PRDM2: variants seen among roughly 807,000 people sequenced by gnomAD.
PRDM2 encodes the protein PR/SET domain 2.
In PRDM2, 30 loss-of-function variants were observed where a neutral mutation model predicts 130.0. That is an observed-to-expected ratio of 0.23 (90% CI 0.17 to 0.31). The LOEUF is 0.31. Among genes scored for constraint, PRDM2 ranks in the 10% least tolerant of loss-of-function variants. The pLI is 1.00. For missense variants in PRDM2, 2,011 were observed against 2,108.4 expected (o/e 0.95, Z 0.90); for synonymous variants, 871 against 782.4 (o/e 1.11, Z -1.89).
chr1:13,823,374 G>A lies in PRDM2; in HGVS notation c.*239G>A, dbSNP rs576261376. 28 of 646,138 alleles carry A rather than the reference G, an allele frequency of 4.3e-5. No homozygotes were observed. The East Asian group carries it at 7.5e-4, about 17-fold the overall frequency. 40.0% of individuals were successfully genotyped at this position (646,138 alleles called of 1,614,324 possible). A position where few individuals can be genotyped will look rare whatever the true frequency, so the allele number is the denominator to read the frequency against. ...TCCCCGGGGCGGCAGGAAGGGGGCC[G>A]ACTCCACGCTGTCCTTTGGGATGAT... is the stretch of plus-strand genomic sequence containing the variant. On this transcript the variant is annotated 3_prime_UTR_variant, in exon 10 of 10. Transcript: ENST00000311066.
Position 13,782,710 on chromosome 1 carries a change from A to G in PRDM2, c.4915A>G (p.Ile1639Val). The change falls in exon 8 of 10, where the codon ATA (isoleucine) becomes GTA (valine). Residue 1639 changes from isoleucine to valine, a missense_variant. By Grantham distance (29) the Ile-to-Val change is conservative. This residue lies in a region of PRDM2 where 410 missense variants were observed against 395.9 expected (regional missense o/e 1.04). Transcript: ENST00000311066. Reference sequence around the variant, plus strand: ...TAAGAAAAGAACAGACCGGTTCAATATAAAATCTAGAGAGCGGAGTGGGGG... The same window carrying G: ...TAAGAAAAGAACAGACCGGTTCAATGTAAAATCTAGAGAGCGGAGTGGGGG... ...ASKKRTDRFN[I>V]KSRERSGGPV... The G allele has an allele frequency of 1.9e-6, 3 of 1,614,002 alleles. No individual in the cohort carries two copies. The highest frequency in any genetic ancestry group is 1.7e-6 in the Non-Finnish European group (2 of 1,179,984).
At chr1:13,710,544 T>C (rs1557591921) in intron 1 of PRDM2, among the ~76,000 whole-genome samples, 1 of 152,232 alleles carries the variant, frequency 6.6e-6, no homozygotes, top group Non-Finnish European at 1.5e-5. Context: ...ATATGTAAAA[T>C]AGAGATCAAG....
intron 8 of PRDM2, among the ~76,000 whole-genome samples, chr1:13,792,584 G>A: frequency 6.6e-6 from 1 of 152,272 alleles, no homozygotes; most frequent in African/African-American, 2.4e-5. Context: ...GCTATTATTG[G>A]ACTTGTGAAT....
In PRDM2 at chr1:13,816,525, A is replaced by G. The variant is rs1056613677; in HGVS notation, c.5135A>G (p.Gln1712Arg). Reference sequence around the variant, plus strand: ...AAAGCTCCAGCTGCAGCCCAGTTCCAGGGACCATTCTTCAAAGAGTAGACA... The same window carrying G: ...AAAGCTCCAGCTGCAGCCCAGTTCCGGGGACCATTCTTCAAAGAGTAGACA... The part of the protein sequence containing the change: ...KVKAPAAAQF[Q>R]GPFFKE The change falls in exon 9 of 10, where the codon CAG becomes CGG. Residue 1712 changes from glutamine (Q) to arginine (R), a missense_variant. By Grantham distance (43) the Gln-to-Arg change is conservative. This residue lies in a region of PRDM2 where 410 missense variants were observed against 395.9 expected (regional missense o/e 1.04). Transcript: ENST00000311066. 2 of 1,614,168 alleles carry G rather than the reference A, an allele frequency of 1.2e-6. No individual in the cohort carries two copies. The highest frequency in any genetic ancestry group is 1.7e-6 in the Non-Finnish European group (2 of 1,180,006).
At chr1:13,760,911 C>G (rs185172529) in intron 6 of PRDM2, among the ~76,000 whole-genome samples, 10 of 151,974 alleles carry the variant, frequency 6.6e-5, no homozygotes, top group Admixed American at 5.9e-4. Flanking sequence ...CTCTTAAAAT[C>G]CATATATTTT....
intron 6 of PRDM2, among the ~76,000 whole-genome samples, chr1:13,772,456 T>C (rs545401324): frequency 9.3e-4 from 141 of 152,366 alleles, no homozygotes; most frequent in Non-Finnish European, 1.6e-3. Context: ...TAATGAAATA[T>C]TGACCTGGAC....
rs1644621379 is a variant in PRDM2, at chr1:13,781,923, T to C, written c.4128T>C (p.Thr1376=). ...PKKNPVPLKQ[T]VQPKNGVVVL... Reference sequence around the variant, plus strand: ...AAAACCCAGTACCATTAAAACAAACTGTGCAACCCAAAAATGGCGTGGTGG... The same window carrying C: ...AAAACCCAGTACCATTAAAACAAACCGTGCAACCCAAAAATGGCGTGGTGG... Residue 1376 remains threonine, a synonymous_variant, in exon 8 of 10, where the codon ACT becomes ACC. Coordinates refer to ENST00000311066, the MANE Select transcript of PRDM2 (RefSeq NM_001393986.1). This position sits in a 1 kb window ranked among gnomAD's most constrained non-coding sequence, Gnocchi z 6.1. 1 of 1,614,132 alleles carries C rather than the reference T, an allele frequency of 6.2e-7. No homozygotes were observed. The highest frequency in any genetic ancestry group is 1.3e-5 in the African/African-American group (1 of 75,038).
In PRDM2 at chr1:13,773,142, A is replaced by T. The variant is rs749150730; in HGVS notation, c.576A>T (p.Thr192=). The change falls in exon 7 of 10, where the codon ACA becomes ACT. Residue 192 remains threonine (T), a synonymous_variant. Coordinates refer to ENST00000311066, the MANE Select transcript of PRDM2 (RefSeq NM_001393986.1). ...GNKIQDIQLK[T]SEPDFTSANM... Reference sequence around the variant, plus strand: ...AAATCCAAGACATACAACTGAAGACAAGTGAGCCAGATTTCACCTCTGCAA... The same window carrying T: ...AAATCCAAGACATACAACTGAAGACTAGTGAGCCAGATTTCACCTCTGCAA... 1.3e-6 allele frequency: 2 copies of T among 1,578,302 alleles called. No homozygotes were observed. Among genetic ancestry groups the T allele is most frequent in the Admixed American group, 3.8e-5 (2 of 53,262 alleles).
chr1:13,797,345 AAAC>A (rs1226202378), intron 8 of PRDM2, among the ~76,000 whole-genome samples: 8 of 152,224 alleles, frequency 5.3e-5, no homozygotes, highest in Non-Finnish European at 7.3e-5. Flanking sequence ...AGTTTAGTGA[AAAC>A]AAATCTGTGT....
intron 7 of PRDM2, among the ~76,000 whole-genome samples, chr1:13,776,777 T>G (rs1644483982): frequency 6.6e-6 from 1 of 152,098 alleles, no homozygotes; most frequent in South Asian, 2.1e-4. Context: ...ACCACCACTC[T>G]CTTGGTTCTC....
intron 6 of PRDM2, among the ~76,000 whole-genome samples, chr1:13,757,201 A>T (rs1643977437): frequency 6.6e-6 from 1 of 152,204 alleles, no homozygotes. Flanking sequence ...TTGCATAGGT[A>T]TATTGTATTC....
At chr1:13,820,857 G>A (rs913342011) in intron 9 of PRDM2, among the ~76,000 whole-genome samples, 9 of 151,972 alleles carry the variant, frequency 5.9e-5, no homozygotes, top group African/African-American at 7.3e-5. Flanking sequence ...TGCTGGCCAC[G>A]CCAGGCCAAG....
At chr1:13,776,135 C>A (rs933409381) in intron 7 of PRDM2, among the ~76,000 whole-genome samples, 1 of 152,124 alleles carries the variant, frequency 6.6e-6, no homozygotes, top group African/African-American at 2.4e-5. Context: ...ATAAACACAG[C>A]CATCAATGTT....
intron 5 of PRDM2, among the ~76,000 whole-genome samples, chr1:13,748,226 T>C (rs1643675508): frequency 6.6e-6 from 1 of 152,216 alleles, no homozygotes; most frequent in African/African-American, 2.4e-5. Context: ...TTAATAAATA[T>C]TTTATGGGGA....
intron 2 of PRDM2, among the ~76,000 whole-genome samples, chr1:13,716,139 T>C (rs1196060733): frequency 1.3e-5 from 2 of 152,066 alleles, no homozygotes; most frequent in Admixed American, 6.5e-5. Flanking sequence ...GATGAGTTCA[T>C]GTCCTTTGTA....
intron 8 of PRDM2, among the ~76,000 whole-genome samples, chr1:13,813,930 T>C (rs1645215877): frequency 6.6e-6 from 1 of 152,190 alleles, no homozygotes; most frequent in African/African-American, 2.4e-5. Context: ...TTTGTGTGAT[T>C]GATCTGGCTT....
intron 8 of PRDM2, among the ~76,000 whole-genome samples, chr1:13,805,418 C>T (rs928968290): frequency 6.6e-6 from 1 of 152,088 alleles, no homozygotes; most frequent in African/African-American, 2.4e-5. Context: ...CTGGGGGCTT[C>T]ATTTGAATGG....
rs771636373 is a variant in PRDM2, at chr1:13,780,502, G to A, written c.2707G>A (p.Val903Ile). Residue 903 changes from valine to isoleucine, a missense_variant, in exon 8 of 10, where the codon GTA (valine) becomes ATA (isoleucine). Around this residue, in one of 5 missense-constraint regions of PRDM2, gnomAD observed 1,288 missense variants for 1,237.7 expected, o/e 1.04. Transcript: ENST00000311066. ...LNEYNGIDLP[V>I]ENPADGTRSP... ...TGAATATAATGGCATCGATTTACCT[G>A]TAGAAAACCCTGCAGATGGGACCAG... 9 of 1,614,062 alleles carry A rather than the reference G, an allele frequency of 5.6e-6. No individual in the cohort carries two copies. The highest frequency in any genetic ancestry group is 2.7e-5 in the African/African-American group (2 of 74,916).
intron 6 of PRDM2, among the ~76,000 whole-genome samples, chr1:13,755,420 C>T (rs1226981468): frequency 6.6e-6 from 1 of 151,964 alleles, no homozygotes; most frequent in Non-Finnish European, 1.5e-5. Flanking sequence ...GTTCTCTTGT[C>T]CATATGTAAA....
Sources: allele counts gnomAD v4.1 joint callset (sites outside exome capture counted in the v4.1 genomes callset), GRCh38; gene constraint gnomAD v4.1.1; regional missense constraint gnomAD v4.1.1; non-coding constraint Gnocchi (gnomAD v3.1); transcripts MANE v1.5; gene names NCBI Gene and HGNC (gene_info 2026-07-23, HGNC 2026-07-21).